PPDPF: variants seen among roughly 807,000 people sequenced by gnomAD.
PPDPF encodes exocrine differentiation and proliferation factor.
Under a neutral mutation model 6.3 loss-of-function variants are expected in PPDPF, and 11 were observed. The observed-to-expected ratio is 1.76, with a 90% confidence interval of 1.11 to 2.91. The LOEUF is 2.91. Among genes scored for constraint, PPDPF ranks in the 30% most tolerant of loss-of-function variants. The pLI, the probability that PPDPF is intolerant of heterozygous loss-of-function variation, is 0.00. For synonymous variants in PPDPF, 86 were observed against 64.5 expected (o/e 1.33, Z -1.60); for missense variants, 202 against 159.4 (o/e 1.27, Z -1.44).
Position 63,521,594 on chromosome 20 carries a change from G to C in PPDPF, c.133+5G>C, listed in dbSNP as rs1373969256. On this transcript the variant is annotated splice_donor_5th_base_variant and intron_variant, in intron 3 of 3. Coordinates refer to ENST00000370179, the MANE Select transcript of PPDPF (RefSeq NM_024299.4). Reference sequence around the variant, plus strand: ...AAGCCATTCCCCACCCCCCAGGTGAGTGCAGGATCGCCCCTTTCTCCCCCC... The same window carrying C: ...AAGCCATTCCCCACCCCCCAGGTGACTGCAGGATCGCCCCTTTCTCCCCCC... 1.2e-6 allele frequency: 2 copies of C among 1,611,994 alleles called. No homozygotes were observed. Among genetic ancestry groups the C allele is most frequent in the East Asian group, 2.2e-5 (1 of 44,842 alleles).
chr20:63,521,979 A>G lies in PPDPF; in HGVS notation c.*100A>G, dbSNP rs772672824. 8 of 565,544 alleles carry G rather than the reference A, an allele frequency of 1.4e-5. No homozygotes were observed. In the South Asian group the frequency reaches 2.1e-4, roughly 15 times the overall value. 35.0% of individuals were successfully genotyped at this position (565,544 alleles called of 1,614,324 possible). On this transcript the variant is annotated 3_prime_UTR_variant, in exon 4 of 4. Coordinates refer to ENST00000370179, the MANE Select transcript of PPDPF (RefSeq NM_024299.4). ...CTCCGCATCCCTCGCCCCCCTCCCCACCTCCCACCCCCCACCCTGTAAACT... is the reference window on the plus strand; with the variant it reads ...CTCCGCATCCCTCGCCCCCCTCCCCGCCTCCCACCCCCCACCCTGTAAACT...
intron 1 of PPDPF, 65 bp downstream of exon 1, chr20:63,520,959 G>C: frequency 3.0e-6 from 3 of 1,010,338 alleles, no homozygotes; most frequent in Non-Finnish European, 3.6e-6. Context: ...GGGCGGGGCT[G>C]GGCCGGGGGC....
In PPDPF at chr20:63,521,283, G is replaced by C. The variant is rs368839397; in HGVS notation, c.-25-1G>C. 6.2e-7 allele frequency: 1 copy of C among 1,602,602 alleles called. No homozygotes were observed. Among genetic ancestry groups the C allele is most frequent in the African/African-American group, 1.3e-5 (1 of 74,486 alleles). ...AGGGGCTCCTCCACCCCCATGCGCA[G>C]ATCCCACCAGCCAGCAAGCTAAAGC... is the stretch of plus-strand genomic sequence containing the variant. On this transcript the variant is annotated splice_acceptor_variant, in intron 1 of 3. Transcript: ENST00000370179. LOFTEE classifies it low-confidence loss of function (5UTR_SPLICE).
In PPDPF at chr20:63,521,434, G is replaced by A. The variant is rs2082544068; in HGVS notation, c.55+71G>A. ...CAGTGCCGGCCCCGTGCAGGCTGCG[G>A]AACCAGCGCTCGGCCTGAAGGCCGG... On this transcript the variant is annotated intron_variant, in intron 2 of 3. Coordinates refer to ENST00000370179, the MANE Select transcript of PPDPF (RefSeq NM_024299.4). 16 of 1,583,202 alleles carry A rather than the reference G, an allele frequency of 1.0e-5. No individual in the cohort carries two copies. The East Asian group carries it at 3.6e-4, about 36-fold the overall frequency.
chr20:63,522,165 G>C lies in PPDPF; in HGVS notation c.*286G>C, dbSNP rs1434414853. 1.2e-5 allele frequency: 5 copies of C among 407,314 alleles called. No homozygotes were observed. Among genetic ancestry groups the C allele is most frequent in the African/African-American group, 4.8e-5 (1 of 20,764 alleles). 25.2% of individuals were successfully genotyped at this position (407,314 alleles called of 1,614,324 possible). ...GAAAATAAACTCCAAGCAGCCAGTA[G>C]CCCCGATGGTGTGTGCCTGAGCTGT... On this transcript the variant is annotated 3_prime_UTR_variant, in exon 4 of 4. Coordinates refer to ENST00000370179, the MANE Select transcript of PPDPF (RefSeq NM_024299.4).
At position 63,521,498 on chromosome 20, in the gene PPDPF, C is replaced by T. The variant is rs1340068444; in HGVS notation, c.56-14C>T. On this transcript the variant is annotated splice_polypyrimidine_tract_variant and intron_variant, in intron 2 of 3. Coordinates refer to ENST00000370179, the MANE Select transcript of PPDPF (RefSeq NM_024299.4). ...TCCGCGCCCCGCGTTGCTGACGGGA[C>T]CTCTCCTCTCCAGGCCGCCTGGGTT... The T allele has an allele frequency of 7.0e-6, 11 of 1,566,940 alleles. No individual in the cohort carries two copies. Among genetic ancestry groups the T allele is most frequent in the East Asian group, 2.3e-5 (1 of 44,390 alleles).
intron 3 of PPDPF, 25 bp downstream of exon 3, chr20:63,521,614 C>T: frequency 3.7e-6 from 6 of 1,611,380 alleles, no homozygotes; most frequent in Non-Finnish European, 5.1e-6. Context: ...GCCCCTTTCT[C>T]CCCCCGCTCC....
chr20:63,521,375 C>T lies in PPDPF; in HGVS notation c.55+12C>T, dbSNP rs371346910. ...CGACTACTACCGGCGTGAGTAGCCC[C>T]TGCCCCCCATCCACGCGGATGCTCT... On this transcript the variant is annotated intron_variant, in intron 2 of 3. Transcript: ENST00000370179. 3.8e-5 allele frequency: 61 copies of T among 1,606,974 alleles called. No individual in the cohort carries two copies. The highest frequency in any genetic ancestry group is 4.9e-5 in the Non-Finnish European group (58 of 1,176,964).
chr20:63,522,197 C>T lies in PPDPF; in HGVS notation c.*318C>T. ...TGGTGTGTGCCTGAGCTGTGTGGCC[C>T]GAGGTTCCATTTGAGTGTGAGAAAT... On this transcript the variant is annotated 3_prime_UTR_variant, in exon 4 of 4. Coordinates refer to ENST00000370179, the MANE Select transcript of PPDPF (RefSeq NM_024299.4). 2.3e-6 allele frequency: 1 copy of T among 428,068 alleles called. No individual in the cohort carries two copies. Among genetic ancestry groups the T allele is most frequent in the East Asian group, 5.0e-5 (1 of 20,092 alleles). The allele number at this position is 428,068 out of a possible 1,614,324, so 26.5% of individuals were successfully genotyped here. A position where few individuals can be genotyped will look rare whatever the true frequency, so the allele number is the denominator to read the frequency against.
chr20:63,521,562 C>A lies in PPDPF; in HGVS notation c.106C>A (p.Pro36Thr). Reference sequence around the variant, plus strand: ...CAGCTCCTGCAGCAGTACCGAGTGCCCCGGGGAAGCCATTCCCCACCCCCC... The same window carrying A: ...CAGCTCCTGCAGCAGTACCGAGTGCACCGGGGAAGCCATTCCCCACCCCCC... ...SNSSCSSTEC[P>T]GEAIPHPPGL... Residue 36 changes from proline to threonine, a missense_variant, in exon 3 of 4, where the codon CCC becomes ACC. By Grantham distance (38) the Pro-to-Thr change is conservative (BLOSUM62 -1). Transcript: ENST00000370179. 6.2e-7 allele frequency: 1 copy of A among 1,606,778 alleles called. No individual in the cohort carries two copies. Among genetic ancestry groups the A allele is most frequent in the Non-Finnish European group, 8.5e-7 (1 of 1,176,412 alleles).
In PPDPF at chr20:63,522,058, G is replaced by A; in HGVS notation, c.*179G>A. On this transcript the variant is annotated 3_prime_UTR_variant, in exon 4 of 4. Coordinates refer to ENST00000370179, the MANE Select transcript of PPDPF (RefSeq NM_024299.4). ...TCAACACAGCAGACACCAAAAACCA[G>A]TGAGAGCCCCGCTCTCTACCGCCCG... 3.2e-6 allele frequency: 2 copies of A among 630,492 alleles called. No individual in the cohort carries two copies. The highest frequency in any genetic ancestry group is 5.8e-6 in the Non-Finnish European group (2 of 344,186). 39.1% of individuals were successfully genotyped at this position (630,492 alleles called of 1,614,324 possible).
In PPDPF at chr20:63,521,875, C is replaced by G. The variant is rs1325681356; in HGVS notation, c.341C>G (p.Ser114Cys). 6.3e-7 allele frequency: 1 copy of G among 1,584,276 alleles called. No individual in the cohort carries two copies. The highest frequency in any genetic ancestry group is 8.6e-7 in the Non-Finnish European group (1 of 1,166,212). Reference sequence around the variant, plus strand: ...AGCACAGCCAGCGCTGGGCCCCCGTCCTGACCTGAGCGGTTACCACCAGCC... The same window carrying G: ...AGCACAGCCAGCGCTGGGCCCCCGTGCTGACCTGAGCGGTTACCACCAGCC... Reference protein sequence around the residue: ...QSSTASAGPPS With the variant: ...QSSTASAGPPC Residue 114 changes from serine (S) to cysteine (C), a missense_variant, in exon 4 of 4, where the codon TCC (serine) becomes TGC (cysteine). Coordinates refer to ENST00000370179, the MANE Select transcript of PPDPF (RefSeq NM_024299.4).
At position 63,520,891 on chromosome 20, in the gene PPDPF, C is replaced by T; in HGVS notation, c.-29C>T. On this transcript the variant is annotated 5_prime_UTR_variant, in exon 1 of 4. Coordinates refer to ENST00000370179, the MANE Select transcript of PPDPF (RefSeq NM_024299.4). ...GCCGAGGCCCGCGAGGGGTCGCCGCCCAGGTGAGGGGCGCCGCGCGCGGGT... is the reference window on the plus strand; with the variant it reads ...GCCGAGGCCCGCGAGGGGTCGCCGCTCAGGTGAGGGGCGCCGCGCGCGGGT... 1.0e-6 allele frequency: 1 copy of T among 996,988 alleles called. No individual in the cohort carries two copies. The highest frequency in any genetic ancestry group is 1.2e-6 in the Non-Finnish European group (1 of 838,148). 61.8% of individuals were successfully genotyped at this position (996,988 alleles called of 1,614,324 possible). A position where few individuals can be genotyped will look rare whatever the true frequency, so the allele number is the denominator to read the frequency against.
intron 2 of PPDPF, 48 bp from the exon 3 acceptor site, chr20:63,521,464 C>CT (rs775450339): frequency 2.7e-5 from 42 of 1,561,970 alleles, no homozygotes; most frequent in Non-Finnish European, 1.2e-5. Flanking sequence ...GGCCGGTGGG[C>CT]TGGGGGGCTC....
chr20:63,521,934 C>T lies in PPDPF; in HGVS notation c.*55C>T, dbSNP rs1329027376. 3.0e-6 allele frequency: 4 copies of T among 1,351,980 alleles called. No homozygotes were observed. The Admixed American group carries it at 6.4e-5, about 22-fold the overall frequency. 83.7% of individuals were successfully genotyped at this position (1,351,980 alleles called of 1,614,324 possible). Reference sequence around the variant, plus strand: ...GCGGAGGCGCTAGTCCACCAGAGCCCCTCCCCGCCCCTCTCCCCACTCCGC... The same window carrying T: ...GCGGAGGCGCTAGTCCACCAGAGCCTCTCCCCGCCCCTCTCCCCACTCCGC... On this transcript the variant is annotated 3_prime_UTR_variant, in exon 4 of 4. Transcript: ENST00000370179.
intron 2 of PPDPF, 69 bp from the exon 3 acceptor site, chr20:63,521,443 C>G: frequency 6.3e-7 from 1 of 1,579,268 alleles, no homozygotes; most frequent in Non-Finnish European, 8.6e-7. Flanking sequence ...GGAACCAGCG[C>G]TCGGCCTGAA....
At position 63,522,157 on chromosome 20, in the gene PPDPF, A is replaced by G. The variant is rs2082555577; in HGVS notation, c.*278A>G. 9.8e-6 allele frequency: 5 copies of G among 508,360 alleles called. No individual in the cohort carries two copies. Among genetic ancestry groups the G allele is most frequent in the Non-Finnish European group, 1.8e-5 (5 of 275,692 alleles). 31.5% of individuals were successfully genotyped at this position (508,360 alleles called of 1,614,324 possible). ...ACCAAGCGGAAAATAAACTCCAAGCAGCCAGTAGCCCCGATGGTGTGTGCC... is the reference window on the plus strand; with the variant it reads ...ACCAAGCGGAAAATAAACTCCAAGCGGCCAGTAGCCCCGATGGTGTGTGCC... On this transcript the variant is annotated 3_prime_UTR_variant, in exon 4 of 4. Coordinates refer to ENST00000370179, the MANE Select transcript of PPDPF (RefSeq NM_024299.4).
intron 1 of PPDPF, among the ~76,000 whole-genome samples, 180 bp downstream of exon 1, chr20:63,521,074 C>A (rs1384255100): frequency 6.6e-6 from 1 of 152,030 alleles, no homozygotes; most frequent in Non-Finnish European, 1.5e-5. Context: ...ACGTCTGGGC[C>A]GGGGCCCCGC....
intron 3 of PPDPF, 35 bp downstream of exon 3, chr20:63,521,624 C>T (rs536369415): frequency 3.1e-6 from 5 of 1,612,768 alleles, no homozygotes; most frequent in South Asian, 1.1e-5. Flanking sequence ...CCCCCCGCTC[C>T]TCCAGGAGCT....
Sources: allele counts gnomAD v4.1 joint callset (sites outside exome capture counted in the v4.1 genomes callset), GRCh38; gene constraint gnomAD v4.1.1; transcripts MANE v1.5; gene names NCBI Gene and HGNC (gene_info 2026-07-23, HGNC 2026-07-21).